The following ETV3L variants were observed in gnomAD, a reference collection of about 807,000 sequenced individuals.
ETV3L encodes the protein ETS translocation variant 3-like protein.
In ETV3L, 30 loss-of-function variants were observed where a neutral mutation model predicts 27.6. That is an observed-to-expected ratio of 1.09 (90% confidence interval 0.81 to 1.48). The LOEUF (loss-of-function observed/expected upper bound fraction) is 1.48. Ranked by LOEUF, ETV3L falls within the 40% of genes most tolerant of loss-of-function variation. ETV3L has a pLI of 0.00. For synonymous variants in ETV3L, 186 were observed against 188.9 expected, an observed-to-expected ratio of 0.98 and a Z score of 0.12; for missense variants, 443 against 455.6, an observed-to-expected ratio of 0.97 and a Z score of 0.25.
At position 157,099,368 on chromosome 1, in the gene ETV3L, G is replaced by C; in HGVS notation, c.69C>G (p.Phe23Leu). The C allele has an allele frequency of 1.2e-6, 2 of 1,614,194 alleles. No individual in the cohort carries two copies. Among genetic ancestry groups the C allele is most frequent in the Non-Finnish European group, 1.7e-6 (2 of 1,180,028 alleles). The change falls in exon 2 of 5, where the codon TTC (phenylalanine) becomes TTG (leucine). Residue 23 changes from phenylalanine to leucine, a missense_variant. Phe to Leu is a conservative substitution (Grantham distance 22). Coordinates refer to ENST00000454449, the MANE Select transcript of ETV3L (RefSeq NM_001004341.2). ...ACTCGGCTTTGTAGGCCCAATCAGG[G>C]AAGGCCAACCCTGGGTGGAGAGGGG... is the stretch of plus-strand genomic sequence containing the variant. Reference protein sequence around the residue: ...NPGNWISGLAFPDWAYKAESS... With the variant: ...NPGNWISGLALPDWAYKAESS...
At chr1:157,097,778 C>A (rs930679050) in intron 4 of ETV3L, 90 bp downstream of exon 4, 119 of 1,501,598 alleles carry the variant, frequency 7.9e-5, no homozygotes, top group Non-Finnish European at 1.1e-4. Context: ...TATCCCTTGT[C>A]TCATGCCCCC....
chr1:157,092,618 C>T lies in ETV3L; in HGVS notation c.*31G>A, dbSNP rs755999564. 3 of 1,545,052 alleles carry T rather than the reference C, an allele frequency of 1.9e-6. No individual in the cohort carries two copies. The South Asian group carries it at 3.7e-5, about 19-fold the overall frequency. On this transcript the variant is annotated 3_prime_UTR_variant, in exon 5 of 5. Coordinates refer to ENST00000454449, the MANE Select transcript of ETV3L (RefSeq NM_001004341.2). ...AAGAGGAGAGATGGACTTTGGAGGA[C>T]TCCTCCCCAACTTCCCACCTTCCTC...
At position 157,099,574 on chromosome 1, in the gene ETV3L, C is replaced by T. The variant is rs1176522141; in HGVS notation, c.-51G>A. 3 of 1,527,004 alleles carry T rather than the reference C, an allele frequency of 2.0e-6. No individual in the cohort carries two copies. Among genetic ancestry groups the T allele is most frequent in the Non-Finnish European group, 8.9e-7 (1 of 1,117,672 alleles). The allele number at this position is 1,527,004 out of a possible 1,614,324, so 94.6% of individuals were successfully genotyped here. A position where few individuals can be genotyped will look rare whatever the true frequency, so the allele number is the denominator to read the frequency against. ...GTCTGGGCCTTGGGGAAATGGTCAC[C>T]ACTTAAGAGGAAGGGAAGGAAGGAG... On this transcript the variant is annotated 5_prime_UTR_variant, in exon 1 of 5. An upstream open reading frame in the 5' UTR gains an earlier in-frame stop. Transcript: ENST00000454449.
chr1:157,094,554 C>T (rs16838064), intron 4 of ETV3L, among the ~76,000 whole-genome samples: 1,933 of 152,282 alleles, frequency 0.013, 48 homozygotes, highest in African/African-American at 0.044. Flanking sequence ...AAGACCACAT[C>T]ATTTAACTAA....
Position 157,092,670 on chromosome 1 carries a change from C to T in ETV3L, c.1065G>A (p.Val355=). 6.2e-7 allele frequency: 1 copy of T among 1,610,436 alleles called. No homozygotes were observed. The highest frequency in any genetic ancestry group is 8.5e-7 in the Non-Finnish European group (1 of 1,178,120). The change falls in exon 5 of 5, where the codon GTG becomes GTA. Residue 355 remains valine (V), a synonymous_variant. Transcript: ENST00000454449. ...CTAGTTAAGGAGGATCCAAGGGCCA[C>T]ACTGCTTTGAGGTTCTCCAGATTGG... ...TSPNLENLKA[V]WPLDPP
At chr1:157,095,289 C>T (rs955799720) in intron 4 of ETV3L, among the ~76,000 whole-genome samples, 9 of 152,178 alleles carry the variant, frequency 5.9e-5, no homozygotes, top group Non-Finnish European at 8.8e-5. Context: ...CTGGCACTCC[C>T]GGAAGCAGCT....
rs143569435 is a variant in ETV3L, at chr1:157,097,521, G to A, written c.607+347C>T. ...AATAAATGCTATTCCCTCTGCTTAGGCATCTTTTCCCACCTCCTTCACCTG... is the reference window on the plus strand; with the variant it reads ...AATAAATGCTATTCCCTCTGCTTAGACATCTTTTCCCACCTCCTTCACCTG... On this transcript the variant is annotated intron_variant, in intron 4 of 4. Coordinates refer to ENST00000454449, the MANE Select transcript of ETV3L (RefSeq NM_001004341.2). Among the ~76,000 whole-genome samples, 85 of 151,302 alleles carry A rather than the reference G, an allele frequency of 5.6e-4. No individual in the cohort carries two copies. In the East Asian group the frequency reaches 0.017, roughly 30 times the overall value.
At chr1:157,094,951 A>T (rs966630431) in intron 4 of ETV3L, among the ~76,000 whole-genome samples, 39 of 150,210 alleles carry the variant, frequency 2.6e-4, no homozygotes, top group African/African-American at 9.0e-4. Flanking sequence ...AAAACAAATT[A>T]GTTATTACTT....
rs1257803093 is a variant in ETV3L at position 157,092,526 on chromosome 1, C to T, written c.*123G>A. ...CTCCCCACCTTGGGTCCAACTCCAC[C>T]CCTTCAAATCCTGCAATTTCAGCCC... is the stretch of plus-strand genomic sequence containing the variant. On this transcript the variant is annotated 3_prime_UTR_variant, in exon 5 of 5. Coordinates refer to ENST00000454449, the MANE Select transcript of ETV3L (RefSeq NM_001004341.2). 1 of 835,696 alleles carries T rather than the reference C, an allele frequency of 1.2e-6. No homozygotes were observed. The allele number at this position is 835,696 out of a possible 1,614,324, so 51.8% of individuals were successfully genotyped here.
In ETV3L at chr1:157,099,182, G is replaced by A; in HGVS notation, c.255C>T (p.Cys85=). Reference sequence around the variant, plus strand: ...GCTTGTCATAATTCATCTGTGGTTTGCATTTCCTGCGGCCCCAGAGGCGGG... The same window carrying A: ...GCTTGTCATAATTCATCTGTGGTTTACATTTCCTGCGGCCCCAGAGGCGGG... The part of the protein sequence containing the change: ...EVARLWGRRK[C]KPQMNYDKLS... Residue 85 remains cysteine (C), a synonymous_variant, in exon 2 of 5, where the codon TGC becomes TGT. Coordinates refer to ENST00000454449, the MANE Select transcript of ETV3L (RefSeq NM_001004341.2). The A allele has an allele frequency of 6.2e-7, 1 of 1,613,926 alleles. No homozygotes were observed. Among genetic ancestry groups the A allele is most frequent in the Non-Finnish European group, 8.5e-7 (1 of 1,179,944 alleles).
Position 157,093,101 on chromosome 1 carries a change from G to C in ETV3L, c.634C>G (p.Arg212Gly). 4 of 1,467,698 alleles carry C rather than the reference G, an allele frequency of 2.7e-6. No homozygotes were observed. The South Asian group carries it at 5.7e-5, about 21-fold the overall frequency. 90.9% of individuals were successfully genotyped at this position (1,467,698 alleles called of 1,614,324 possible). A position where few individuals can be genotyped will look rare whatever the true frequency, so the allele number is the denominator to read the frequency against. The change falls in exon 5 of 5, where the codon CGG (arginine) becomes GGG (glycine). Residue 212 changes from arginine to glycine, a missense_variant. Transcript: ENST00000454449. Reference protein sequence around the residue: ...YRLGSAPGPCRLGLCCHLGSV... With the variant: ...YRLGSAPGPCGLGLCCHLGSV... ...CCCAAATGGCAGCAAAGGCCCAGCCGGCAGGGGCCTGGGGCAGAGCCAAGT... is the reference window on the plus strand; with the variant it reads ...CCCAAATGGCAGCAAAGGCCCAGCCCGCAGGGGCCTGGGGCAGAGCCAAGT...
chr1:157,098,752 G>A lies in ETV3L; in HGVS notation c.440C>T (p.Pro147Leu). The A allele has an allele frequency of 6.2e-7, 1 of 1,613,098 alleles. No individual in the cohort carries two copies. The change falls in exon 3 of 5, where the codon CCT (proline) becomes CTT (leucine). Residue 147 changes from proline (P) to leucine (L), a missense_variant. Coordinates refer to ENST00000454449, the MANE Select transcript of ETV3L (RefSeq NM_001004341.2). ...CACCAGCGCTGGCCGACACAGGGCAGGGGCCCCCAGCAGCAAGTGGGGGGA... is the reference window on the plus strand; with the variant it reads ...CACCAGCGCTGGCCGACACAGGGCAAGGGCCCCCAGCAGCAAGTGGGGGGA... ...PPSPHLLLGA[P>L]ALCRPALVPV... is the part of the protein sequence containing the mutation.
At position 157,099,589 on chromosome 1, in the gene ETV3L, G is replaced by A. The variant is rs1456111596; in HGVS notation, c.-66C>T. The A allele has an allele frequency of 3.5e-6, 5 of 1,417,060 alleles. No individual in the cohort carries two copies. Among genetic ancestry groups the A allele is most frequent in the Non-Finnish European group, 4.9e-6 (5 of 1,021,900 alleles). The allele number at this position is 1,417,060 out of a possible 1,614,324, so 87.8% of individuals were successfully genotyped here. A position where few individuals can be genotyped will look rare whatever the true frequency, so the allele number is the denominator to read the frequency against. On this transcript the variant is annotated 5_prime_UTR_variant, in exon 1 of 5. Transcript: ENST00000454449. ...AAATGGTCACCACTTAAGAGGAAGG[G>A]AAGGAAGGAGGCAGAGGGGAGGACA...
Position 157,098,014 on chromosome 1 carries a change from GT to G in ETV3L, c.487-27del, listed in dbSNP as rs371193902. 17 of 1,578,320 alleles carry G rather than the reference GT, an allele frequency of 1.1e-5. No homozygotes were observed. The African/African-American group carries it at 2.0e-4, about 19-fold the overall frequency. The stretch of plus-strand genomic sequence containing the variant: ...CTGAGGGGTGAGAAGTAGGTGCGAG[GT>G]GTGATGGGCTCTCCTTGGCATGTAT... On this transcript the variant is annotated intron_variant, in intron 3 of 4. Coordinates refer to ENST00000454449, the MANE Select transcript of ETV3L (RefSeq NM_001004341.2).
chr1:157,094,982 T>A (rs1228056039), intron 4 of ETV3L, among the ~76,000 whole-genome samples: 1 of 149,258 alleles, frequency 6.7e-6, no homozygotes, highest in African/African-American at 2.5e-5. Context: ...GTGTATTTGA[T>A]AAGAAGAATA....
Position 157,099,566 on chromosome 1 carries a change from A to G in ETV3L, c.-43T>C, listed in dbSNP as rs779701367. 6.4e-7 allele frequency: 1 copy of G among 1,561,432 alleles called. No homozygotes were observed. The highest frequency in any genetic ancestry group is 1.2e-5 in the South Asian group (1 of 86,256). On this transcript the variant is annotated 5_prime_UTR_variant, in exon 1 of 5. Transcript: ENST00000454449. ...TGGGCTGTGTCTGGGCCTTGGGGAA[A>G]TGGTCACCACTTAAGAGGAAGGGAA... is the stretch of plus-strand genomic sequence containing the variant.
chr1:157,093,731 G>A (rs1206236371), intron 4 of ETV3L, among the ~76,000 whole-genome samples: 2 of 152,142 alleles, frequency 1.3e-5, no homozygotes, highest in Non-Finnish European at 2.9e-5. Flanking sequence ...GACCTCAGGT[G>A]ATCCACCTGC....
Position 157,092,454 on chromosome 1 carries a change from C to T in ETV3L, c.*195G>A. 1 of 570,640 alleles carries T rather than the reference C, an allele frequency of 1.8e-6. No individual in the cohort carries two copies. The allele number at this position is 570,640 out of a possible 1,614,324, so 35.3% of individuals were successfully genotyped here. A position where few individuals can be genotyped will look rare whatever the true frequency, so the allele number is the denominator to read the frequency against. ...CAATATGGTGAAAGAGGAGGGGCAC[C>T]CTGTCTTGGTTTTTCCCATTTCCAC... On this transcript the variant is annotated 3_prime_UTR_variant, in exon 5 of 5. Coordinates refer to ENST00000454449, the MANE Select transcript of ETV3L (RefSeq NM_001004341.2).
rs1558021839 is a variant in ETV3L at position 157,099,741 on chromosome 1, C to A, written c.-218G>T. 5 of 603,286 alleles carry A rather than the reference C, an allele frequency of 8.3e-6. No homozygotes were observed. The East Asian group carries it at 1.1e-4, about 13-fold the overall frequency. The allele number at this position is 603,286 out of a possible 1,614,324, so 37.4% of individuals were successfully genotyped here. ...AGAAAAGGGAACCAGAGGCAGCAAGCTTCCCCATACCCAGACAGGGCCCAG... is the reference window on the plus strand; with the variant it reads ...AGAAAAGGGAACCAGAGGCAGCAAGATTCCCCATACCCAGACAGGGCCCAG... On this transcript the variant is annotated 5_prime_UTR_variant, in exon 1 of 5. Coordinates refer to ENST00000454449, the MANE Select transcript of ETV3L (RefSeq NM_001004341.2).
Sources: gnomAD v4.1 joint callset for allele counts (sites outside exome capture counted in the v4.1 genomes callset) on GRCh38, gnomAD v4.1.1 for gene constraint, MANE v1.5 for transcripts, NCBI Gene and HGNC (gene_info 2026-07-23, HGNC 2026-07-21) for gene names.